The following KCNN2 variants were observed in gnomAD, a reference collection of about 807,000 sequenced individuals.
KCNN2 encodes the protein potassium calcium-activated channel subfamily N member 2.
KCNN2 carries 24 observed loss-of-function variants against 55.5 expected under a neutral mutation model. The ratio of observed to expected loss-of-function variants is 0.43; its 90% confidence interval spans 0.31 to 0.61. The LOEUF (loss-of-function observed/expected upper bound fraction) is 0.61, where lower values mean the gene tolerates loss of function less well. Among genes scored for constraint, KCNN2 ranks in the 20% least tolerant of loss-of-function variants. The pLI is 0.08. For missense variants in KCNN2, 754 were observed against 853.6 expected, an observed-to-expected ratio of 0.88 and a Z score of 1.45; for synonymous variants, 431 against 336.1, an observed-to-expected ratio of 1.28 and a Z score of -3.09.
intron 2 of KCNN2, among the ~76,000 whole-genome samples, chr5:114,288,727 AT>A (rs1755815864): frequency 6.6e-6 from 1 of 151,926 alleles, no homozygotes; most frequent in South Asian, 2.1e-4. Context: ...TCTTTTTGTT[AT>A]TGAGTTGTAA....
chr5:114,199,196 A>G (rs1270922022), intron 1 of KCNN2, among the ~76,000 whole-genome samples: 1 of 151,896 alleles, frequency 6.6e-6, no homozygotes, highest in African/African-American at 2.4e-5. Flanking sequence ...CATTTTTACT[A>G]TTTTTGACTT....
intron 1 of KCNN2, among the ~76,000 whole-genome samples, chr5:114,156,167 G>T (rs1287917747): frequency 6.6e-6 from 1 of 152,052 alleles, no homozygotes; most frequent in Non-Finnish European, 1.5e-5. Flanking sequence ...GTTTTTGTCA[G>T]GTTTGTCAAA....
At chr5:114,376,875 C>T (rs1339574680) in intron 2 of KCNN2, among the ~76,000 whole-genome samples, 1 of 152,018 alleles carries the variant, frequency 6.6e-6, no homozygotes, top group Non-Finnish European at 1.5e-5. Context: ...TTGAAGGAAG[C>T]CGGGAATTGG....
intron 1 of KCNN2, among the ~76,000 whole-genome samples, chr5:114,200,254 AGTTCT>A (rs1718179260): frequency 6.6e-6 from 1 of 152,006 alleles, no homozygotes; most frequent in African/African-American, 2.4e-5. Flanking sequence ...GTCTTCTTCA[AGTTCT>A]GAGATTGTTT....
intron 3 of KCNN2, among the ~76,000 whole-genome samples, chr5:114,434,123 T>C (rs1759913414): frequency 1.3e-5 from 2 of 152,318 alleles, no homozygotes; most frequent in East Asian, 1.9e-4. Context: ...GCAGTATTAA[T>C]TGAGCATAAT....
At chr5:114,431,748 G>GT (rs1383077105) in intron 3 of KCNN2, among the ~76,000 whole-genome samples, 6 of 151,722 alleles carry the variant, frequency 4.0e-5, no homozygotes, top group African/African-American at 1.5e-4. Flanking sequence ...ACTGCTTTTG[G>GT]TGTATCTCAC....
At chr5:114,143,411 A>G (rs1047106324) in intron 1 of KCNN2, among the ~76,000 whole-genome samples, 1 of 152,156 alleles carries the variant, frequency 6.6e-6, no homozygotes, top group Admixed American at 6.5e-5. Context: ...CATAGAAACA[A>G]CGTGATGCTA....
chr5:114,162,072 G>A (rs549454083), intron 1 of KCNN2, among the ~76,000 whole-genome samples: 2 of 152,232 alleles, frequency 1.3e-5, no homozygotes, highest in African/African-American at 4.8e-5. Flanking sequence ...GAGGAGGAGG[G>A]GTGCTCTGAT....
intron 2 of KCNN2, among the ~76,000 whole-genome samples, chr5:114,242,272 A>G (rs1035706023): frequency 4.1e-5 from 6 of 147,992 alleles, no homozygotes; most frequent in African/African-American, 1.5e-4. Context: ...CAGTAGACAT[A>G]TGAAAGCCAA....
At chr5:114,400,719 GA>G (rs1406901930) in intron 2 of KCNN2, among the ~76,000 whole-genome samples, 1 of 152,028 alleles carries the variant, frequency 6.6e-6, no homozygotes, top group Non-Finnish European at 1.5e-5. Flanking sequence ...AAGCTTTTAT[GA>G]AGCCCAGGGC....
intron 1 of KCNN2, among the ~76,000 whole-genome samples, chr5:114,093,279 A>T (rs779811423): frequency 1.3e-5 from 2 of 152,140 alleles, no homozygotes; most frequent in Non-Finnish European, 2.9e-5. Flanking sequence ...CCTCACCTCC[A>T]TCTGAGACCA....
chr5:114,362,471 C>A lies in KCNN2; in HGVS notation c.332C>A (p.Ser111Tyr), dbSNP rs1757458379. 2.5e-5 allele frequency: 11 copies of A among 444,238 alleles called. No individual in the cohort carries two copies. Among genetic ancestry groups the A allele is most frequent in the Non-Finnish European group, 3.6e-5 (9 of 253,140 alleles). The allele number at this position is 444,238 out of a possible 1,614,324, so 27.5% of individuals were successfully genotyped here. Reference protein sequence around the residue: ...TRTSSPLSGSSCCCCCCSSRR... With the variant: ...TRTSSPLSGSYCCCCCCSSRR... ...ACCTCCTCGCCGCTGTCGGGCTCGT[C>A]CTGCTGCTGCTGCTGCTGCTCGTCG... The change falls in exon 1 of 8, where the codon TCC (serine) becomes TAC (tyrosine). Residue 111 changes from serine to tyrosine, a missense_variant. Ser to Tyr is a moderately radical substitution (Grantham distance 144). Coordinates refer to ENST00000673685, the MANE Select transcript of KCNN2 (RefSeq NM_021614.4).
intron 2 of KCNN2, among the ~76,000 whole-genome samples, chr5:114,267,356 A>G (rs1373721658): frequency 6.6e-6 from 1 of 151,988 alleles, no homozygotes; most frequent in Non-Finnish European, 1.5e-5. Context: ...CTCTGGATCT[A>G]TTTGCTACCC....
At chr5:114,128,883 C>A (rs576051430) in intron 1 of KCNN2, among the ~76,000 whole-genome samples, 21 of 152,284 alleles carry the variant, frequency 1.4e-4, no homozygotes, top group African/African-American at 4.3e-4. Flanking sequence ...ATATTTAATT[C>A]TCTTATCTTG....
chr5:114,274,934 C>T (rs1003069923), intron 2 of KCNN2, among the ~76,000 whole-genome samples: 5 of 152,048 alleles, frequency 3.3e-5, no homozygotes, highest in African/African-American at 7.2e-5. Context: ...GGGAATGCTT[C>T]CAGTTTTTGC....
At chr5:114,337,579 T>A (rs1224811587) in intron 2 of KCNN2, among the ~76,000 whole-genome samples, 3 of 152,210 alleles carry the variant, frequency 2.0e-5, no homozygotes, top group African/African-American at 4.8e-5. Flanking sequence ...ATGGTCACTT[T>A]GAATGAATAT....
intron 3 of KCNN2, among the ~76,000 whole-genome samples, chr5:114,451,776 A>G (rs2150105004): frequency 6.6e-6 from 1 of 152,028 alleles, no homozygotes; most frequent in Admixed American, 6.5e-5. Context: ...GGGTGCCTGT[A>G]GTCTCAGCTA....
At chr5:114,112,763 C>G (rs944628159) in intron 1 of KCNN2, among the ~76,000 whole-genome samples, 4 of 151,968 alleles carry the variant, frequency 2.6e-5, no homozygotes, top group African/African-American at 9.7e-5. Flanking sequence ...GTTTTATTTT[C>G]CAGACTGAAT....
At chr5:114,233,598 T>C (rs927743347) in intron 2 of KCNN2, among the ~76,000 whole-genome samples, 5 of 152,174 alleles carry the variant, frequency 3.3e-5, no homozygotes, top group Non-Finnish European at 5.9e-5. Flanking sequence ...GCTTTCTTTT[T>C]CCTGAACAGA....
Sources: allele counts gnomAD v4.1 joint callset (sites outside exome capture counted in the v4.1 genomes callset), GRCh38; gene constraint gnomAD v4.1.1; transcripts MANE v1.5; gene names NCBI Gene and HGNC (gene_info 2026-07-23, HGNC 2026-07-21).